Variants in CFAP70 observed in about 807,000 individuals in gnomAD.
CFAP70 encodes cilia and flagella associated protein 70.
Under a neutral mutation model 137.6 loss-of-function variants are expected in CFAP70, and 81 were observed. The observed-to-expected ratio is 0.59, with a 90% confidence interval of 0.49 to 0.71. CFAP70 has a LOEUF of 0.71. CFAP70 is among the 30% of genes least tolerant of loss of function. CFAP70 has a pLI of 0.00. For synonymous variants in CFAP70, 382 were observed against 423.6 expected (o/e 0.90, Z 1.20); for missense variants, 976 against 1,226.7 (o/e 0.80, Z 3.05).
At chr10:73,334,075 AAC>A (rs1464281191) in intron 7 of CFAP70, among the ~76,000 whole-genome samples, 1 of 152,242 alleles carries the variant, frequency 6.6e-6, no homozygotes, top group Non-Finnish European at 1.5e-5. Context: ...GTCCTAAAAA[AAC>A]AGATATTCAT....
chr10:73,323,683 C>A lies in CFAP70; in HGVS notation c.778-586G>T, dbSNP rs148331646. ...CACACCAAGAGATTATATCCCGCACCTGGCTTGGAGGGTCCTATGCCCATG... is the reference window on the plus strand; with the variant it reads ...CACACCAAGAGATTATATCCCGCACATGGCTTGGAGGGTCCTATGCCCATG... On this transcript the variant is annotated intron_variant, in intron 8 of 26. Coordinates refer to ENST00000310715, the Ensembl canonical transcript of CFAP70. Among the ~76,000 whole-genome samples, 877 of 152,362 alleles carry A rather than the reference C, an allele frequency of 5.8e-3. 8 individuals carry two copies. The highest frequency in any genetic ancestry group is 7.7e-3 in the Non-Finnish European group (521 of 68,040).
At chr10:73,341,983 C>T (rs2053292991) in intron 5 of CFAP70, among the ~76,000 whole-genome samples, 1 of 152,096 alleles carries the variant, frequency 6.6e-6, no homozygotes, top group Non-Finnish European at 1.5e-5. Context: ...AAATCTTGGA[C>T]CAAATTCTGT....
At chr10:73,316,301 T>G (rs11000602) in intron 9 of CFAP70, among the ~76,000 whole-genome samples, 23,163 of 151,354 alleles carry the variant, frequency 0.15, 2,889 homozygotes, top group African/African-American at 0.32. Context: ...TTATCAGTGT[T>G]TTTAGATCAC....
At chr10:73,260,461 G>C (rs2045046576) in intron 25 of CFAP70, among the ~76,000 whole-genome samples, 1 of 152,030 alleles carries the variant, frequency 6.6e-6, no homozygotes, top group African/African-American at 2.4e-5. Context: ...GAATCCATTT[G>C]TTTCTCATTT....
At chr10:73,312,793 T>C in intron 9 of CFAP70, 150 bp from the exon 11 acceptor site, 1 of 686,214 alleles carries the variant, frequency 1.5e-6, no homozygotes, top group South Asian at 2.2e-5. Flanking sequence ...TTCATTGTAT[T>C]TCCCTCCTTC....
chr10:73,254,774 T>C (rs2044302722), intron 26 of CFAP70, among the ~76,000 whole-genome samples: 1 of 152,212 alleles, frequency 6.6e-6, no homozygotes, highest in South Asian at 2.1e-4. Context: ...ATGAATATGA[T>C]AGTAAGCTAC....
At chr10:73,342,013 G>C (rs2053295043) in intron 5 of CFAP70, among the ~76,000 whole-genome samples, 1 of 152,126 alleles carries the variant, frequency 6.6e-6, no homozygotes, top group Non-Finnish European at 1.5e-5. Context: ...ATTTATATGA[G>C]AGTTGTGCTT....
In CFAP70 at chr10:73,352,758, C is replaced by T. The variant is rs184749837; in HGVS notation, c.250+798G>A. ...TAATCCTTTTTATTTCTAATTAATG[C>T]GCTTAAGATTATAAATGTACCTCTA... On this transcript the variant is annotated intron_variant, in intron 3 of 26. Coordinates refer to ENST00000310715, the Ensembl canonical transcript of CFAP70. Among the ~76,000 whole-genome samples, 40 of 152,214 alleles carry T rather than the reference C, an allele frequency of 2.6e-4. No homozygotes were observed. The East Asian group carries it at 6.4e-3, about 24-fold the overall frequency.
intron 25 of CFAP70, among the ~76,000 whole-genome samples, chr10:73,266,892 C>T (rs1331478229): frequency 6.7e-6 from 1 of 149,038 alleles, no homozygotes; most frequent in African/African-American, 2.5e-5. Context: ...ATTTCTACTC[C>T]TTATCATTTT....
chr10:73,322,721 A>C, intron 9 of CFAP70, among the ~76,000 whole-genome samples: 1 of 152,038 alleles, frequency 6.6e-6, no homozygotes, highest in South Asian at 2.1e-4. Flanking sequence ...GTACCACACA[A>C]TTTGTTTTTC....
chr10:73,328,816 C>G lies in CFAP70; in HGVS notation c.777+2361G>C, dbSNP rs564484620. Reference sequence around the variant, plus strand: ...TACCATCTCACACCAGTTAGAATGGCAATCATTAAAAAGTCAGGAAACAAC... The same window carrying G: ...TACCATCTCACACCAGTTAGAATGGGAATCATTAAAAAGTCAGGAAACAAC... On this transcript the variant is annotated intron_variant, in intron 8 of 26. Transcript: ENST00000310715. Among the ~76,000 whole-genome samples the G allele has an allele frequency of 6.4e-3, 959 of 150,824 alleles. 9 individuals carry two copies. Among genetic ancestry groups the G allele is most frequent in the African/African-American group, 0.022 (907 of 40,704 alleles).
intron 6 of CFAP70, among the ~76,000 whole-genome samples, chr10:73,340,732 A>G (rs1227942932): frequency 2.0e-5 from 3 of 152,194 alleles, no homozygotes; most frequent in Non-Finnish European, 4.4e-5. Context: ...CCCTGAGCAC[A>G]TGCGCACCTG....
chr10:73,264,820 G>A (rs191851993), intron 25 of CFAP70, among the ~76,000 whole-genome samples: 3 of 152,226 alleles, frequency 2.0e-5, no homozygotes, highest in Admixed American at 6.5e-5. Flanking sequence ...TTGTTTGTAC[G>A]TAATTATGTG....
chr10:73,266,281 T>C (rs898683888), intron 25 of CFAP70, among the ~76,000 whole-genome samples: 3 of 152,206 alleles, frequency 2.0e-5, no homozygotes, highest in Non-Finnish European at 4.4e-5. Flanking sequence ...ACAATGAGTT[T>C]TGCTTCCACC....
chr10:73,310,269 T>G lies in CFAP70; in HGVS notation c.1165-20A>C, dbSNP rs1351278966. The G allele has an allele frequency of 6.5e-7, 1 of 1,544,966 alleles. No homozygotes were observed. The highest frequency in any genetic ancestry group is 2.3e-5 in the East Asian group (1 of 44,324). Reference sequence around the variant, plus strand: ...ATATTGCTGTAAAGACATTGTTTTCTTATTATTTCCAGAAAAAAATATATT... The same window carrying G: ...ATATTGCTGTAAAGACATTGTTTTCGTATTATTTCCAGAAAAAAATATATT... On this transcript the variant is annotated intron_variant, in intron 11 of 26. Transcript: ENST00000310715.
At chr10:73,310,072 G>A (rs2049780440) in intron 12 of CFAP70, 86 bp downstream of exon 13, 1 of 813,202 alleles carries the variant, frequency 1.2e-6, no homozygotes. Flanking sequence ...TTAGCCCAAG[G>A]GAAATTACAA....
intron 8 of CFAP70, 113 bp downstream of exon 9, chr10:73,331,064 T>A: frequency 1.4e-6 from 1 of 691,838 alleles, no homozygotes; most frequent in African/African-American, 1.8e-5. Flanking sequence ...CTAGTCACCC[T>A]TAGGAGAACA....
At chr10:73,311,081 GAATCTGTCATC>G (rs1310300582) in intron 11 of CFAP70, among the ~76,000 whole-genome samples, 3 of 152,194 alleles carry the variant, frequency 2.0e-5, no homozygotes, top group Non-Finnish European at 4.4e-5. Context: ...AGAGGTTCAA[GAATCTGTCATC>G]AGCTATACAA....
chr10:73,263,328 C>T (rs908876592), intron 25 of CFAP70, among the ~76,000 whole-genome samples: 1 of 152,154 alleles, frequency 6.6e-6, no homozygotes, highest in South Asian at 2.1e-4. Context: ...AATTCCAGGG[C>T]TCAATTGGCC....
Sources: gnomAD v4.1 joint callset for allele counts (sites outside exome capture counted in the v4.1 genomes callset) on GRCh38, gnomAD v4.1.1 for gene constraint, MANE v1.5 for transcripts, NCBI Gene and HGNC (gene_info 2026-07-23, HGNC 2026-07-21) for gene names.